Variants in RBMS3 observed in about 807,000 individuals in gnomAD.
The protein encoded by RBMS3 is RNA binding motif single stranded interacting protein 3.
In RBMS3, 27 loss-of-function variants were observed where a neutral mutation model predicts 66.8. That is an observed-to-expected ratio of 0.40 (90% CI 0.30 to 0.56). The LOEUF (loss-of-function observed/expected upper bound fraction) is 0.56, where lower values mean the gene tolerates loss of function less well. Among genes scored for constraint, RBMS3 ranks in the 20% least tolerant of loss-of-function variants. RBMS3 has a pLI of 0.40. For synonymous variants in RBMS3, 188 were observed against 183.0 expected, an observed-to-expected ratio of 1.03 and a Z score of -0.22; for missense variants, 513 against 549.5, an observed-to-expected ratio of 0.93 and a Z score of 0.66.
In RBMS3 at chr3:29,523,670, G is replaced by A. The variant is rs144409412; in HGVS notation, c.307+35171G>A. Among the ~76,000 whole-genome samples the A allele has an allele frequency of 1.2e-3, 181 of 152,252 alleles. 1 individual carries two copies. The highest frequency in any genetic ancestry group is 4.3e-3 in the African/African-American group (179 of 41,534). ...AGTCTTTAAACAGCTACTTTCTGTT[G>A]TCAGTCTGCTATTGATGGCTTACTA... is the stretch of plus-strand genomic sequence containing the variant. On this transcript the variant is annotated intron_variant, in intron 3 of 14. Transcript: ENST00000383767.
chr3:29,428,110 T>C (rs1010558819), intron 1 of RBMS3, among the ~76,000 whole-genome samples: 3 of 152,150 alleles, frequency 2.0e-5, no homozygotes, highest in African/African-American at 7.2e-5. Flanking sequence ...TTTACGGTTT[T>C]TTTAGGCCAT....
intron 1 of RBMS3, among the ~76,000 whole-genome samples, chr3:29,387,019 G>A (rs9830413): frequency 0.36 from 54,591 of 151,900 alleles, 10,076 homozygotes; most frequent in Admixed American, 0.48. Flanking sequence ...ATTGCTTACC[G>A]GTTACCCCTT....
At chr3:29,535,136 A>C (rs1352038597) in intron 3 of RBMS3, among the ~76,000 whole-genome samples, 1 of 152,150 alleles carries the variant, frequency 6.6e-6, no homozygotes, top group Non-Finnish European at 1.5e-5. Flanking sequence ...CGTTGTCAGA[A>C]AAAGGGGTTC....
At chr3:29,852,875 C>T (rs938404749) in intron 6 of RBMS3, among the ~76,000 whole-genome samples, 8 of 152,134 alleles carry the variant, frequency 5.3e-5, no homozygotes, top group African/African-American at 1.4e-4. Flanking sequence ...TTCATTGCAG[C>T]ACTATTCAAA....
intron 4 of RBMS3, among the ~76,000 whole-genome samples, chr3:29,618,772 C>T (rs62237670): frequency 0.043 from 6,528 of 152,172 alleles, 397 homozygotes; most frequent in East Asian, 0.31. Context: ...TTCTAAATGC[C>T]GTAATAATTT....
intron 4 of RBMS3, among the ~76,000 whole-genome samples, chr3:29,598,628 G>A (rs956632761): frequency 6.6e-6 from 1 of 151,884 alleles, no homozygotes; most frequent in Non-Finnish European, 1.5e-5. Context: ...TCAAATATAG[G>A]CATCTGATAT....
At chr3:29,691,967 T>TTTTTTTTTTTTTTTTG (rs1559574585) in intron 4 of RBMS3, among the ~76,000 whole-genome samples, 1 of 144,346 alleles carries the variant, frequency 6.9e-6, no homozygotes, top group Non-Finnish European at 1.5e-5. Flanking sequence ...TTTTTTTTTT[T>TTTTTTTTTTTTTTTTG]GAGATGGAGT....
chr3:29,636,920 A>G (rs1271159809), intron 4 of RBMS3, among the ~76,000 whole-genome samples: 3 of 151,862 alleles, frequency 2.0e-5, no homozygotes, highest in African/African-American at 7.2e-5. Context: ...TAAGTTATGC[A>G]AAGTAGCAAA....
intron 1 of RBMS3, among the ~76,000 whole-genome samples, chr3:29,300,807 C>T (rs561433495): frequency 2.6e-4 from 40 of 151,940 alleles, no homozygotes; most frequent in African/African-American, 8.9e-4. Flanking sequence ...TGATGCAATT[C>T]GTAGAAGGAA....
At chr3:29,389,172 C>T (rs79693227) in intron 1 of RBMS3, among the ~76,000 whole-genome samples, 4,592 of 152,210 alleles carry the variant, frequency 0.03, 217 homozygotes, top group African/African-American at 0.1. Context: ...TCTTCTCTTC[C>T]CCTCTGATTG....
At chr3:29,837,646 CATATATATATAATGAACATAT>C in intron 6 of RBMS3, among the ~76,000 whole-genome samples, 1 of 105,110 alleles carries the variant, frequency 9.5e-6, no homozygotes, top group African/African-American at 3.3e-5. Context: ...ATATAATGAA[CATATATATATAATGAACATAT>C]ATATATATAT....
chr3:29,433,302 TAAAGAC>T (rs2125722043), intron 1 of RBMS3, among the ~76,000 whole-genome samples: 2 of 152,130 alleles, frequency 1.3e-5, no homozygotes, highest in East Asian at 3.9e-4. Flanking sequence ...ATAAAATAGC[TAAAGAC>T]TCTTCATCTT....
chr3:29,451,188 G>A (rs137900534), intron 2 of RBMS3, among the ~76,000 whole-genome samples: 23 of 152,286 alleles, frequency 1.5e-4, no homozygotes, highest in African/African-American at 5.5e-4. Flanking sequence ...GGAAAGAAAT[G>A]CATTCCACAG....
rs1375293160 is a variant in RBMS3 at position 29,425,218 on chromosome 3, A to AAC, written c.76-9524_76-9523insCA. 1.2e-3 allele frequency among the ~76,000 whole-genome samples: 135 copies of AAC among 114,814 alleles called. 1 individual carries two copies. The highest frequency in any genetic ancestry group is 2.1e-3 in the Admixed American group (23 of 10,968). The allele number at this position is 114,814 out of a possible 152,430, so 75.3% of individuals were successfully genotyped here. A position where few individuals can be genotyped will look rare whatever the true frequency, so the allele number is the denominator to read the frequency against. On this transcript the variant is annotated intron_variant, in intron 1 of 14. Coordinates refer to ENST00000383767, the MANE Select transcript of RBMS3 (RefSeq NM_001003793.3). Reference sequence around the variant, plus strand: ...AAAAAAAAACCCCCCAAAAAAAACAAAAAAAAAAAAACAGGCGTGGTGTCA... The same window carrying AAC: ...AAAAAAAAACCCCCCAAAAAAAACAAACAAAAAAAAAAACAGGCGTGGTGTCA...
chr3:29,504,121 G>C (rs936413461), intron 3 of RBMS3, among the ~76,000 whole-genome samples: 1 of 147,226 alleles, frequency 6.8e-6, no homozygotes, highest in African/African-American at 2.6e-5. Context: ...TACAAACTTG[G>C]TCTCTAAGTT....
intron 3 of RBMS3, among the ~76,000 whole-genome samples, chr3:29,500,522 A>G (rs914970528): frequency 1.3e-5 from 2 of 151,780 alleles, no homozygotes; most frequent in African/African-American, 4.8e-5. Flanking sequence ...CAAAACTCAT[A>G]TATGACAGTT....
intron 11 of RBMS3, 80 bp from the exon 12 acceptor site, chr3:29,944,127 C>CT (rs1695140832): frequency 7.6e-7 from 1 of 1,315,912 alleles, no homozygotes; most frequent in Non-Finnish European, 1.1e-6. Context: ...ACAGCGGACT[C>CT]TTCCACGTGT....
chr3:29,413,204 A>C (rs973615668), intron 1 of RBMS3, among the ~76,000 whole-genome samples: 1 of 152,172 alleles, frequency 6.6e-6, no homozygotes, highest in African/African-American at 2.4e-5. Flanking sequence ...CCCTGTCTCT[A>C]TTAAAAATAC....
chr3:29,530,329 G>T (rs1282501990), intron 3 of RBMS3, among the ~76,000 whole-genome samples: 3 of 152,100 alleles, frequency 2.0e-5, no homozygotes, highest in Non-Finnish European at 2.9e-5. Context: ...ACCAAATTTA[G>T]AATTGTGAAA....
Sources: gnomAD v4.1 joint callset for allele counts (sites outside exome capture counted in the v4.1 genomes callset) on GRCh38, gnomAD v4.1.1 for gene constraint, MANE v1.5 for transcripts, NCBI Gene and HGNC (gene_info 2026-07-23, HGNC 2026-07-21) for gene names.